WBP4: variants seen among roughly 807,000 people sequenced by gnomAD.
WBP4 encodes the protein WW domain-binding protein 4.
A neutral mutation model predicts 55.4 loss-of-function variants in WBP4; 37 were observed. That is an observed-to-expected ratio of 0.67 (90% CI 0.51 to 0.88). WBP4 has a LOEUF of 0.88. Among genes scored for constraint, WBP4 ranks in the 40% least tolerant of loss-of-function variants. WBP4 has a pLI of 0.00. For synonymous variants in WBP4, 142 were observed against 140.2 expected, an observed-to-expected ratio of 1.01 and a Z score of -0.09; for missense variants, 398 against 420.8, an observed-to-expected ratio of 0.95 and a Z score of 0.47.
chr13:41,062,096 G>GC (rs1877683549), intron 1 of WBP4: 1 of 625,016 alleles, frequency 1.6e-6, no homozygotes, highest in African/African-American at 3.3e-5. Flanking sequence ...TAGCGTAATG[G>GC]TTTTTTTTTT....
In WBP4 at chr13:41,068,717, A is replaced by G. The variant is rs764923465; in HGVS notation, c.419A>G (p.Tyr140Cys). The change falls in exon 5 of 10, where the codon TAT (tyrosine) becomes TGT (cysteine). Residue 140 changes from tyrosine (Y) to cysteine (C), a missense_variant. Transcript: ENST00000379487. ...EGITSEGYHY[Y>C]YDLISGASQW... ...ATAACCTCTGAGGGTTACCATTACT[A>G]TTATGATCTTATCTCAGGAGGTAAG... The G allele has an allele frequency of 6.9e-6, 11 of 1,604,912 alleles. No individual in the cohort carries two copies. In the Admixed American group the frequency reaches 8.6e-5, roughly 13 times the overall value.
intron 1 of WBP4, 58 bp downstream of exon 1, chr13:41,061,733 T>G: frequency 6.2e-7 from 1 of 1,610,848 alleles, no homozygotes; most frequent in Non-Finnish European, 8.5e-7. Context: ...CCGCCCTTTC[T>G]CGCCCGGGTC....
At position 41,076,223 on chromosome 13, in the gene WBP4, A is replaced by G; in HGVS notation, c.742A>G (p.Lys248Glu). 1 of 1,583,402 alleles carries G rather than the reference A, an allele frequency of 6.3e-7. No homozygotes were observed. The highest frequency in any genetic ancestry group is 8.5e-7 in the Non-Finnish European group (1 of 1,172,628). ...GGTCTCTACAGAGACAGAAAAGCCA[A>G]AAATAAAGTTTAAGGTAGGTTTTTA... Reference protein sequence around the residue: ...GGVSTETEKPKIKFKEKNKNS... With the variant: ...GGVSTETEKPEIKFKEKNKNS... Residue 248 changes from lysine (K) to glutamate (E), a missense_variant, in exon 8 of 10, where the codon AAA (lysine) becomes GAA (glutamate). Coordinates refer to ENST00000379487, the MANE Select transcript of WBP4 (RefSeq NM_007187.5).
intron 5 of WBP4, among the ~76,000 whole-genome samples, chr13:41,069,594 G>A (rs1018447447): frequency 6.6e-6 from 1 of 151,878 alleles, no homozygotes; most frequent in African/African-American, 2.4e-5. Flanking sequence ...CCCAGGAGGC[G>A]GAGCTTGCAG....
chr13:41,082,654 A>C, intron 9 of WBP4, 50 bp from the exon 10 acceptor site: 1 of 1,562,316 alleles, frequency 6.4e-7, no homozygotes, highest in Non-Finnish European at 8.8e-7. Flanking sequence ...TTATATGAAA[A>C]CGTTTGTCTT....
At position 41,083,016 on chromosome 13, in the gene WBP4, A is replaced by G. The variant is rs1878853294; in HGVS notation, c.*102A>G. 2.8e-6 allele frequency: 3 copies of G among 1,065,222 alleles called. No individual in the cohort carries two copies. The East Asian group carries it at 7.8e-5, about 28-fold the overall frequency. The allele number at this position is 1,065,222 out of a possible 1,614,324, so 66.0% of individuals were successfully genotyped here. ...GTAAGTATTATGATGCTAAAAATTT[A>G]GATTTATTCTAAATGTATTTGATGT... On this transcript the variant is annotated 3_prime_UTR_variant, in exon 10 of 10. Transcript: ENST00000379487.
At chr13:41,074,220 C>T (rs556458704) in intron 7 of WBP4, among the ~76,000 whole-genome samples, 4 of 152,266 alleles carry the variant, frequency 2.6e-5, no homozygotes, top group Admixed American at 1.3e-4. Context: ...CGTGAGCCAC[C>T]GCGCCCGGCC....
intron 1 of WBP4, 109 bp downstream of exon 1, chr13:41,061,784 A>T: frequency 1.3e-6 from 2 of 1,556,828 alleles, no homozygotes; most frequent in Non-Finnish European, 1.7e-6. Flanking sequence ...GGGGCGTGAC[A>T]GACGCGTTCT....
At position 41,065,158 on chromosome 13, in the gene WBP4, A is replaced by C; in HGVS notation, c.139-6A>C. 1.9e-6 allele frequency: 3 copies of C among 1,610,020 alleles called. No individual in the cohort carries two copies. Among genetic ancestry groups the C allele is most frequent in the Non-Finnish European group, 2.5e-6 (3 of 1,178,880 alleles). On this transcript the variant is annotated splice_polypyrimidine_tract_variant and splice_region_variant and intron_variant, in intron 3 of 9. Transcript: ENST00000379487. ...TCACTTTCACTGTTATGTATGTCTT[A>C]CATAGATTAAACAGAAAAGCCTGGA...
intron 4 of WBP4, among the ~76,000 whole-genome samples, chr13:41,066,735 G>T (rs1266386834): frequency 5.3e-5 from 8 of 152,144 alleles, no homozygotes; most frequent in Non-Finnish European, 8.8e-5. Flanking sequence ...CATTTAGGTT[G>T]CTTAGCATTT....
At chr13:41,061,822 T>G (rs914689930) in intron 1 of WBP4, 147 bp downstream of exon 1, 1 of 1,359,114 alleles carries the variant, frequency 7.4e-7, no homozygotes, top group African/African-American at 1.4e-5. Flanking sequence ...GCCCCAGACC[T>G]GCAGGGCCGG....
intron 5 of WBP4, among the ~76,000 whole-genome samples, chr13:41,070,187 A>C (rs1878176791): frequency 6.6e-6 from 1 of 152,164 alleles, no homozygotes; most frequent in African/African-American, 2.4e-5. Context: ...GCTTTGAGAG[A>C]TTACCATAGG....
At chr13:41,075,456 A>G (rs1878437580) in intron 7 of WBP4, among the ~76,000 whole-genome samples, 3 of 152,194 alleles carry the variant, frequency 2.0e-5, no homozygotes, top group African/African-American at 4.8e-5. Flanking sequence ...ATCATGATTC[A>G]CTGCAGCCTC....
At chr13:41,081,909 T>C (rs1878796895) in intron 9 of WBP4, among the ~76,000 whole-genome samples, 1 of 152,268 alleles carries the variant, frequency 6.6e-6, no homozygotes, top group Non-Finnish European at 1.5e-5. Context: ...CGCTCTCAGC[T>C]ACTTAAACAT....
At chr13:41,075,407 G>A (rs1328201989) in intron 7 of WBP4, among the ~76,000 whole-genome samples, 1 of 152,010 alleles carries the variant, frequency 6.6e-6, no homozygotes, top group Non-Finnish European at 1.5e-5. Flanking sequence ...ATTGAGACAA[G>A]GTCTTGCTCT....
rs769815679 is a variant in WBP4 at position 41,068,526 on chromosome 13, A to C, written c.263-35A>C. The C allele has an allele frequency of 1.1e-5, 16 of 1,502,794 alleles. No homozygotes were observed. The East Asian group carries it at 2.3e-4, about 22-fold the overall frequency. The allele number at this position is 1,502,794 out of a possible 1,614,324, so 93.1% of individuals were successfully genotyped here. ...CCAGCAACCATAAAAAATAGTAGTT[A>C]CTATAGCTGCTTTACCCTTCTCTCA... On this transcript the variant is annotated intron_variant, in intron 4 of 9. Transcript: ENST00000379487.
At position 41,082,960 on chromosome 13, in the gene WBP4, T is replaced by C; in HGVS notation, c.*46T>C. 3.9e-6 allele frequency: 6 copies of C among 1,553,474 alleles called. No individual in the cohort carries two copies. Among genetic ancestry groups the C allele is most frequent in the Non-Finnish European group, 5.3e-6 (6 of 1,133,190 alleles). On this transcript the variant is annotated 3_prime_UTR_variant, in exon 10 of 10. Coordinates refer to ENST00000379487, the MANE Select transcript of WBP4 (RefSeq NM_007187.5). ...CATGCTTTTAGGACAGAATGGAGAC[T>C]TATACACCCAAAGTTTATCTGTGTT...
intron 5 of WBP4, 112 bp from the exon 6 acceptor site, chr13:41,071,415 T>C: frequency 1.3e-6 from 1 of 788,932 alleles, no homozygotes; most frequent in South Asian, 1.8e-5. Flanking sequence ...ATGTTTTAAA[T>C]TGTAGACCTG....
At position 41,068,600 on chromosome 13, in the gene WBP4, T is replaced by A; in HGVS notation, c.302T>A (p.Ile101Asn). The A allele has an allele frequency of 6.2e-7, 1 of 1,612,274 alleles. No homozygotes were observed. The highest frequency in any genetic ancestry group is 1.3e-5 in the African/African-American group (1 of 74,654). The change falls in exon 5 of 10, where the codon ATC becomes AAC. Residue 101 changes from isoleucine to asparagine, a missense_variant. Coordinates refer to ENST00000379487, the MANE Select transcript of WBP4 (RefSeq NM_007187.5). ...EPSITPVTST[I>N]PPTSTSNQQK... is the part of the protein sequence containing the mutation. Reference sequence around the variant, plus strand: ...AGCATAACACCAGTAACCAGCACTATCCCACCTACCTCGACATCAAATCAA... The same window carrying A: ...AGCATAACACCAGTAACCAGCACTAACCCACCTACCTCGACATCAAATCAA...
Sources: gnomAD v4.1 joint callset for allele counts (sites outside exome capture counted in the v4.1 genomes callset) on GRCh38, gnomAD v4.1.1 for gene constraint, MANE v1.5 for transcripts, NCBI Gene and HGNC (gene_info 2026-07-23, HGNC 2026-07-21) for gene names.